The following RAP1GAP2 variants were observed in gnomAD, a reference collection of about 807,000 sequenced individuals.
The protein encoded by RAP1GAP2 is RAP1 GTPase activating protein 2, also known as rap1 GTPase-activating protein 2.
In RAP1GAP2, 27 loss-of-function variants were observed where a neutral mutation model predicts 95.0. The observed-to-expected ratio is 0.28, with a 90% confidence interval of 0.21 to 0.39. The LOEUF (loss-of-function observed/expected upper bound fraction) is 0.39. RAP1GAP2 is among the 10% of genes least tolerant of loss of function. RAP1GAP2 has a pLI of 1.00. For missense variants in RAP1GAP2, 771 were observed against 970.0 expected (o/e 0.79, Z 2.72); for synonymous variants, 373 against 380.9 (o/e 0.98, Z 0.24).
intron 2 of RAP1GAP2, among the ~76,000 whole-genome samples, chr17:2,771,723 C>G (rs2068402633): frequency 6.6e-6 from 1 of 152,092 alleles, no homozygotes; most frequent in South Asian, 2.1e-4. Context: ...TTCCTGATCT[C>G]AGGTGATCCA....
chr17:2,918,620 C>T (rs532008305), intron 3 of RAP1GAP2, among the ~76,000 whole-genome samples: 1 of 151,818 alleles, frequency 6.6e-6, no homozygotes, highest in Non-Finnish European at 1.5e-5. Context: ...AGGGAGGGTG[C>T]CACACACTTT....
chr17:2,812,626 C>T (rs1465705197), intron 2 of RAP1GAP2, among the ~76,000 whole-genome samples: 1 of 152,062 alleles, frequency 6.6e-6, no homozygotes, highest in Non-Finnish European at 1.5e-5. Context: ...TTTGTTCCTT[C>T]CTTCCCTCCC....
In RAP1GAP2 at chr17:2,911,228, C is replaced by T. The variant is rs184385647; in HGVS notation, c.165+5860C>T. On this transcript the variant is annotated intron_variant, in intron 3 of 24. Coordinates refer to ENST00000254695, the MANE Select transcript of RAP1GAP2 (RefSeq NM_015085.5). Reference sequence around the variant, plus strand: ...CTGCTACCCGACCTATACGCACCCTCCCCCACCTCTTTGCTGTTTGTTTTG... The same window carrying T: ...CTGCTACCCGACCTATACGCACCCTTCCCCACCTCTTTGCTGTTTGTTTTG... 2.0e-3 allele frequency among the ~76,000 whole-genome samples: 306 copies of T among 150,470 alleles called. 1 individual carries two copies. Among genetic ancestry groups the T allele is most frequent in the African/African-American group, 7.1e-3 (289 of 40,510 alleles).
chr17:2,808,579 C>T (rs946459858), intron 2 of RAP1GAP2, among the ~76,000 whole-genome samples: 14 of 152,174 alleles, frequency 9.2e-5, no homozygotes, highest in Admixed American at 2.6e-4. Context: ...CTCGCTGGCC[C>T]GGCTCGGCTC....
At chr17:2,989,901 C>T (rs1049727552) in intron 11 of RAP1GAP2, among the ~76,000 whole-genome samples, 1 of 152,178 alleles carries the variant, frequency 6.6e-6, no homozygotes, top group Non-Finnish European at 1.5e-5. Context: ...CACTCCCCAT[C>T]CCCCTTTCCT....
chr17:2,941,401 C>T lies in RAP1GAP2; in HGVS notation c.166-16358C>T, dbSNP rs371517789. Among the ~76,000 whole-genome samples the T allele has an allele frequency of 6.6e-5, 10 of 152,036 alleles. 1 individual carries two copies. Among genetic ancestry groups the T allele is most frequent in the East Asian group, 1.9e-4 (1 of 5,178 alleles). The stretch of plus-strand genomic sequence containing the variant: ...CCAGCCTGGGCAACAGAGCAAGACT[C>T]CATCTAAAACATAAATTAAAAATAA... On this transcript the variant is annotated intron_variant, in intron 3 of 24. Coordinates refer to ENST00000254695, the MANE Select transcript of RAP1GAP2 (RefSeq NM_015085.5).
Position 3,027,101 on chromosome 17 carries a change from C to T in RAP1GAP2, c.2107+31C>T. On this transcript the variant is annotated intron_variant, in intron 22 of 24. Transcript: ENST00000254695. The surrounding 1 kb of genome is among the most constrained non-coding windows in gnomAD (Gnocchi z 5.2). ...TGGCATCTGGTGGTGTGTGTGACGT[C>T]ACCAGGAGGGCAGGCTGTGCCCTGT... 1 of 1,551,394 alleles carries T rather than the reference C, an allele frequency of 6.4e-7. No homozygotes were observed. Among genetic ancestry groups the T allele is most frequent in the Non-Finnish European group, 8.7e-7 (1 of 1,146,000 alleles).
At chr17:2,777,729 C>T (rs960434314) in intron 1 of RAP1GAP2, among the ~76,000 whole-genome samples, 3 of 152,160 alleles carry the variant, frequency 2.0e-5, no homozygotes, top group Non-Finnish European at 4.4e-5. Context: ...GTGGGGTTTG[C>T]TGGGATGTGC....
At chr17:3,025,892 G>A (rs904625311) in intron 19 of RAP1GAP2, 116 bp from the exon 20 acceptor site, 39 of 718,160 alleles carry the variant, frequency 5.4e-5, no homozygotes, top group African/African-American at 5.3e-4. Context: ...GCCAGGCGGG[G>A]GCGCTCTGAC....
At chr17:2,875,202 G>C (rs1013724009) in intron 2 of RAP1GAP2, among the ~76,000 whole-genome samples, 5 of 152,172 alleles carry the variant, frequency 3.3e-5, no homozygotes, top group African/African-American at 1.2e-4. Flanking sequence ...GAGTAGCTGA[G>C]ATTACAGGCG....
chr17:2,882,867 T>G (rs1353221229), intron 2 of RAP1GAP2, among the ~76,000 whole-genome samples: 1 of 152,256 alleles, frequency 6.6e-6, no homozygotes, highest in Admixed American at 6.5e-5. Flanking sequence ...ATTCGTGTCA[T>G]GTCCCCAGCG....
At chr17:2,755,665 C>A, upstream of RAP1GAP2, 2 of 272,618 alleles carry the variant, frequency 7.3e-6, no homozygotes, top group East Asian at 1.3e-4. Flanking sequence ...CTGCGGCAGC[C>A]GAGCCTCCTC....
intron 19 of RAP1GAP2, among the ~76,000 whole-genome samples, chr17:3,025,351 T>G (rs1472722866): frequency 6.6e-6 from 1 of 152,182 alleles, no homozygotes; most frequent in Non-Finnish European, 1.5e-5. Flanking sequence ...CACTCCAGCC[T>G]GGGCAACAGA....
chr17:2,813,004 A>C (rs909643776), intron 2 of RAP1GAP2, among the ~76,000 whole-genome samples: 1 of 151,464 alleles, frequency 6.6e-6, no homozygotes, highest in African/African-American at 2.4e-5. Flanking sequence ...AAAAAAAAAA[A>C]ATTCTGATGC....
chr17:2,786,126 C>A (rs763911796), intron 1 of RAP1GAP2, among the ~76,000 whole-genome samples: 46 of 152,136 alleles, frequency 3.0e-4, no homozygotes, highest in Non-Finnish European at 5.3e-4. Context: ...ATCTCGAACT[C>A]CTGACCTCAG....
intron 2 of RAP1GAP2, among the ~76,000 whole-genome samples, chr17:2,771,486 GTTTTTTTTT>G (rs566884358): frequency 8.1e-6 from 1 of 123,476 alleles, no homozygotes; most frequent in African/African-American, 3.3e-5. Context: ...CCACTTTTTT[GTTTTTTTTT>G]TTTGTTTTTT....
chr17:2,892,049 C>T (rs1258849938), intron 2 of RAP1GAP2, among the ~76,000 whole-genome samples: 2 of 152,142 alleles, frequency 1.3e-5, no homozygotes, highest in Middle Eastern at 3.4e-3. Context: ...GTCTCGGACT[C>T]CTGACCTCAG....
chr17:2,931,066 G>C (rs1296308336), intron 3 of RAP1GAP2, among the ~76,000 whole-genome samples: 1 of 145,030 alleles, frequency 6.9e-6, no homozygotes, highest in African/African-American at 2.5e-5. Flanking sequence ...GGGCTGCAGT[G>C]AGCCGAGATC....
At chr17:2,972,722 C>T (rs1190434183) in intron 8 of RAP1GAP2, among the ~76,000 whole-genome samples, 3 of 151,924 alleles carry the variant, frequency 2.0e-5, no homozygotes, top group Non-Finnish European at 2.9e-5. Context: ...AATAGCAGCC[C>T]CAGAAACTCA....
Sources: allele counts gnomAD v4.1 joint callset (sites outside exome capture counted in the v4.1 genomes callset), GRCh38; gene constraint gnomAD v4.1.1; non-coding constraint Gnocchi (gnomAD v3.1); transcripts MANE v1.5; gene names NCBI Gene and HGNC (gene_info 2026-07-23, HGNC 2026-07-21).